KCNAB1: variants seen among roughly 807,000 people sequenced by gnomAD.
The protein encoded by KCNAB1 is voltage-gated potassium channel subunit beta-1.
Under a neutral mutation model 64.6 loss-of-function variants are expected in KCNAB1, and 35 were observed. That is an observed-to-expected ratio of 0.54 (90% CI 0.41 to 0.72). The LOEUF (loss-of-function observed/expected upper bound fraction) is 0.72, where lower values mean the gene tolerates loss of function less well. Ranked by LOEUF, KCNAB1 falls within the 30% of genes least tolerant of loss-of-function variation. The probability of loss-of-function intolerance (pLI) is 0.00; values close to 1 mark genes in which losing one functional copy is unlikely to be tolerated. For synonymous variants in KCNAB1, 177 were observed against 183.8 expected (o/e 0.96, Z 0.30); for missense variants, 401 against 512.9 (o/e 0.78, Z 2.11).
At chr3:156,171,231 A>G (rs890095198) in intron 1 of KCNAB1, among the ~76,000 whole-genome samples, 4 of 148,826 alleles carry the variant, frequency 2.7e-5, no homozygotes, top group African/African-American at 9.9e-5. Flanking sequence ...ACACACTGAA[A>G]TCAGTTCCCA....
At chr3:156,404,769 A>T (rs146511697) in intron 1 of KCNAB1, among the ~76,000 whole-genome samples, 1 of 152,322 alleles carries the variant, frequency 6.6e-6, no homozygotes, top group East Asian at 1.9e-4. Flanking sequence ...GCCTCCCACT[A>T]CTATACTTCC....
At chr3:156,374,077 T>C (rs574498169) in intron 1 of KCNAB1, among the ~76,000 whole-genome samples, 2 of 152,198 alleles carry the variant, frequency 1.3e-5, no homozygotes, top group Non-Finnish European at 2.9e-5. Flanking sequence ...AAGATGAGGG[T>C]GATAATAGCA....
At chr3:156,270,946 A>C (rs1048251926) in intron 1 of KCNAB1, among the ~76,000 whole-genome samples, 6 of 152,172 alleles carry the variant, frequency 3.9e-5, no homozygotes, top group Non-Finnish European at 5.9e-5. Context: ...GGAAATTTTC[A>C]TCAGGTATAC....
intron 2 of KCNAB1, among the ~76,000 whole-genome samples, chr3:156,430,999 C>T (rs1716172932): frequency 6.6e-6 from 1 of 152,220 alleles, no homozygotes; most frequent in Non-Finnish European, 1.5e-5. Flanking sequence ...GAACGCTCCA[C>T]AGACAGAATG....
At chr3:156,438,133 A>G (rs1010045077) in intron 2 of KCNAB1, among the ~76,000 whole-genome samples, 7 of 152,186 alleles carry the variant, frequency 4.6e-5, no homozygotes, top group African/African-American at 1.7e-4. Flanking sequence ...ACTGGCCTGG[A>G]TAAGGAGCTC....
chr3:156,330,541 T>C (rs1020780231), intron 1 of KCNAB1, among the ~76,000 whole-genome samples: 1 of 152,190 alleles, frequency 6.6e-6, no homozygotes, highest in East Asian at 1.9e-4. Flanking sequence ...TCATTTCTTC[T>C]GACGTTTTCA....
intron 2 of KCNAB1, among the ~76,000 whole-genome samples, chr3:156,449,071 A>G (rs573947018): frequency 3.2e-4 from 49 of 152,346 alleles, no homozygotes; most frequent in African/African-American, 1.1e-3. Flanking sequence ...TAAGCTGAAT[A>G]TAAGAATGAC....
intron 1 of KCNAB1, among the ~76,000 whole-genome samples, chr3:156,307,783 C>T (rs1322093929): frequency 6.6e-6 from 1 of 152,134 alleles, no homozygotes; most frequent in Non-Finnish European, 1.5e-5. Flanking sequence ...AAACTTTTCT[C>T]ATATTAATTT....
intron 1 of KCNAB1, among the ~76,000 whole-genome samples, chr3:156,153,214 G>T (rs926236945): frequency 6.6e-6 from 1 of 152,150 alleles, no homozygotes; most frequent in East Asian, 1.9e-4. Flanking sequence ...TCTCCCCAGC[G>T]CTCACTTCCT....
At chr3:156,445,877 G>T (rs59647496) in intron 2 of KCNAB1, among the ~76,000 whole-genome samples, 1 of 152,120 alleles carries the variant, frequency 6.6e-6, no homozygotes, top group Non-Finnish European at 1.5e-5. Flanking sequence ...AGAAACCATA[G>T]AATCATGAAA....
chr3:156,320,855 A>G (rs1245771514), intron 1 of KCNAB1, among the ~76,000 whole-genome samples: 1 of 151,686 alleles, frequency 6.6e-6, no homozygotes, highest in Non-Finnish European at 1.5e-5. Flanking sequence ...GCTAATAATA[A>G]TGGCAGAATA....
At chr3:156,294,827 A>AT (rs1297543235) in intron 1 of KCNAB1, among the ~76,000 whole-genome samples, 2 of 152,176 alleles carry the variant, frequency 1.3e-5, no homozygotes, top group Non-Finnish European at 2.9e-5. Context: ...CTTTTTGTTC[A>AT]TTTTTCTGAG....
At chr3:156,186,040 A>G (rs1481592401) in intron 1 of KCNAB1, among the ~76,000 whole-genome samples, 1 of 152,168 alleles carries the variant, frequency 6.6e-6, no homozygotes, top group Non-Finnish European at 1.5e-5. Flanking sequence ...CTGCATCTAC[A>G]TAGGAGCAGC....
chr3:156,157,997 A>G (rs1715824300), intron 1 of KCNAB1, among the ~76,000 whole-genome samples: 1 of 151,806 alleles, frequency 6.6e-6, no homozygotes, highest in Admixed American at 6.6e-5. Flanking sequence ...CCCCGTCTCT[A>G]CTAAAAATAC....
In KCNAB1 at chr3:156,375,909, TC is replaced by T. The variant is rs1468610911; in HGVS notation, c.276-45705del. On this transcript the variant is annotated intron_variant, in intron 1 of 13. Coordinates refer to ENST00000490337, the MANE Select transcript of KCNAB1 (RefSeq NM_172160.3). ...ATCTCGGCTCATTGCAACCATCCCC[TC>T]CTGGGTTTAAGCAATTCTCCTGCCT... 1.3e-5 allele frequency among the ~76,000 whole-genome samples: 2 copies of T among 151,952 alleles called. 1 individual carries two copies. The highest frequency in any genetic ancestry group is 2.9e-5 in the Non-Finnish European group (2 of 68,016).
chr3:156,483,436 G>C (rs1289898265), intron 8 of KCNAB1, among the ~76,000 whole-genome samples: 1 of 151,932 alleles, frequency 6.6e-6, no homozygotes, highest in Admixed American at 6.6e-5. Flanking sequence ...TATGCATATG[G>C]ATATGTTGTC....
intron 2 of KCNAB1, among the ~76,000 whole-genome samples, chr3:156,427,583 C>T (rs549085162): frequency 6.6e-6 from 1 of 152,232 alleles, no homozygotes; most frequent in East Asian, 1.9e-4. Context: ...GACAAAAGGT[C>T]CACTGAATAA....
At chr3:156,267,119 G>A (rs982262448) in intron 1 of KCNAB1, among the ~76,000 whole-genome samples, 3 of 151,852 alleles carry the variant, frequency 2.0e-5, no homozygotes, top group Non-Finnish European at 2.9e-5. Context: ...ATAATATTTC[G>A]GTATATAGTA....
At chr3:156,225,343 G>GA (rs1328996039) in intron 1 of KCNAB1, among the ~76,000 whole-genome samples, 4 of 152,254 alleles carry the variant, frequency 2.6e-5, no homozygotes, top group African/African-American at 9.6e-5. Flanking sequence ...AATAGATGCA[G>GA]AAAAAGCATT....
Sources: gnomAD v4.1 joint callset for allele counts (sites outside exome capture counted in the v4.1 genomes callset) on GRCh38, gnomAD v4.1.1 for gene constraint, MANE v1.5 for transcripts, NCBI Gene and HGNC (gene_info 2026-07-23, HGNC 2026-07-21) for gene names.